The following PHACTR1 variants were observed in gnomAD, a reference collection of about 807,000 sequenced individuals.
PHACTR1 encodes the protein phosphatase and actin regulator 1, also known as RPEL repeat containing 1.
Under a neutral mutation model 69.2 loss-of-function variants are expected in PHACTR1, and 16 were observed. The observed-to-expected ratio is 0.23, with a 90% CI of 0.16 to 0.35. The LOEUF (loss-of-function observed/expected upper bound fraction) is 0.35. PHACTR1 is among the 10% of genes least tolerant of loss of function. The pLI, the probability that PHACTR1 is intolerant of heterozygous loss-of-function variation, is 1.00. For synonymous variants in PHACTR1, 312 were observed against 284.5 expected (o/e 1.10, Z -0.97); for missense variants, 510 against 734.7 (o/e 0.69, Z 3.54).
rs879186 is a variant in PHACTR1 at position 12,915,092 on chromosome 6, G to A, written c.251-138273G>A. On this transcript the variant is annotated intron_variant, in intron 4 of 14. Transcript: ENST00000332995. ...CAATGTGATGCCAGGGCAAGCCAGA[G>A]CAGTGAGGTGACCAAGGGACTGCAT... 3.3e-3 allele frequency among the ~76,000 whole-genome samples: 505 copies of A among 152,334 alleles called. 4 individuals are homozygous for A. Among genetic ancestry groups the A allele is most frequent in the African/African-American group, 0.012 (483 of 41,580 alleles).
intron 8 of PHACTR1, among the ~76,000 whole-genome samples, chr6:13,218,404 C>T (rs917200136): frequency 6.6e-6 from 1 of 152,212 alleles, no homozygotes; most frequent in Non-Finnish European, 1.5e-5. Flanking sequence ...CCCAGACTCA[C>T]TGTAGATGTC....
intron 4 of PHACTR1, among the ~76,000 whole-genome samples, chr6:12,784,133 A>G (rs1191981007): frequency 6.6e-6 from 1 of 152,096 alleles, no homozygotes; most frequent in Admixed American, 6.5e-5. Flanking sequence ...ATACATATGC[A>G]CATATACATA....
At chr6:12,992,163 C>A (rs775155917) in intron 4 of PHACTR1, among the ~76,000 whole-genome samples, 29 of 152,262 alleles carry the variant, frequency 1.9e-4, no homozygotes, top group Admixed American at 1.1e-3. Flanking sequence ...CCCTCCAAAT[C>A]CCCAGTGATA....
intron 10 of PHACTR1, among the ~76,000 whole-genome samples, chr6:13,265,270 T>A (rs1328313224): frequency 6.6e-6 from 1 of 152,140 alleles, no homozygotes; most frequent in Non-Finnish European, 1.5e-5. Context: ...GGGCATTTTT[T>A]TCAGGCCTCA....
At chr6:13,233,558 G>T (rs960256649) in intron 10 of PHACTR1, among the ~76,000 whole-genome samples, 1 of 152,186 alleles carries the variant, frequency 6.6e-6, no homozygotes, top group African/African-American at 2.4e-5. Flanking sequence ...GGTGGCTGGA[G>T]AGAGAATGAG....
intron 4 of PHACTR1, among the ~76,000 whole-genome samples, chr6:12,997,555 T>C (rs1254758957): frequency 2.0e-5 from 3 of 152,040 alleles, no homozygotes; most frequent in Non-Finnish European, 4.4e-5. Context: ...CATTTATACA[T>C]TGCGTGATGA....
chr6:12,935,090 T>G (rs889055106), intron 4 of PHACTR1, among the ~76,000 whole-genome samples: 1 of 152,068 alleles, frequency 6.6e-6, no homozygotes, highest in Admixed American at 6.6e-5. Context: ...ATAGACACTG[T>G]GGGGGGCCAT....
intron 6 of PHACTR1, among the ~76,000 whole-genome samples, chr6:13,161,782 T>C (rs906199581): frequency 2.0e-5 from 3 of 152,188 alleles, no homozygotes; most frequent in Non-Finnish European, 4.4e-5. Flanking sequence ...TTGAAGTATT[T>C]TCTCTTAGCA....
At chr6:12,958,214 G>C (rs980054209) in intron 4 of PHACTR1, among the ~76,000 whole-genome samples, 8 of 152,208 alleles carry the variant, frequency 5.3e-5, no homozygotes, top group Admixed American at 2.0e-4. Flanking sequence ...GGAGCCCACG[G>C]TGTTAGTGTA....
At chr6:12,960,819 A>T (rs548520478) in intron 4 of PHACTR1, among the ~76,000 whole-genome samples, 1 of 152,214 alleles carries the variant, frequency 6.6e-6, no homozygotes, top group Non-Finnish European at 1.5e-5. Flanking sequence ...ATACAATTCC[A>T]AGCCTCCACT....
chr6:13,257,329 T>G (rs1775320148), intron 10 of PHACTR1, among the ~76,000 whole-genome samples: 1 of 152,138 alleles, frequency 6.6e-6, no homozygotes, highest in Non-Finnish European at 1.5e-5. Context: ...CCCACCAGGC[T>G]GCACCTCCAA....
intron 4 of PHACTR1, among the ~76,000 whole-genome samples, chr6:12,830,334 A>G (rs1244737816): frequency 1.9e-5 from 1 of 52,428 alleles, no homozygotes; most frequent in African/African-American, 6.6e-5. Context: ...AGGGCTTTAG[A>G]AAAAAAAAAA....
At chr6:12,972,912 A>G (rs558941638) in intron 4 of PHACTR1, among the ~76,000 whole-genome samples, 3 of 152,190 alleles carry the variant, frequency 2.0e-5, no homozygotes, top group African/African-American at 7.2e-5. Flanking sequence ...TGGCCTCCCA[A>G]AGTGTTGGGA....
intron 4 of PHACTR1, among the ~76,000 whole-genome samples, chr6:13,035,547 G>A (rs990354064): frequency 6.6e-6 from 1 of 152,056 alleles, no homozygotes; most frequent in African/African-American, 2.4e-5. Flanking sequence ...CTAGTGGAAT[G>A]TCAAGGCAAA....
chr6:12,916,049 T>C (rs1012571538), intron 4 of PHACTR1, among the ~76,000 whole-genome samples: 19 of 152,150 alleles, frequency 1.2e-4, no homozygotes, highest in Non-Finnish European at 2.6e-4. Context: ...AATACATGGG[T>C]ATCTCTGTAA....
chr6:13,126,073 A>G (rs1561865664), intron 5 of PHACTR1, among the ~76,000 whole-genome samples: 1 of 152,218 alleles, frequency 6.6e-6, no homozygotes, highest in Admixed American at 6.5e-5. Context: ...AAAAACATTT[A>G]TGTTATTCAA....
intron 10 of PHACTR1, among the ~76,000 whole-genome samples, chr6:13,263,097 A>C (rs146077481): frequency 6.6e-4 from 101 of 152,298 alleles, no homozygotes; most frequent in African/African-American, 2.3e-3. Flanking sequence ...GGGTTTTGTC[A>C]CTTCTCTAGG....
intron 5 of PHACTR1, among the ~76,000 whole-genome samples, chr6:13,111,714 G>A (rs550004440): frequency 7.2e-5 from 11 of 152,164 alleles, no homozygotes; most frequent in African/African-American, 1.4e-4. Context: ...TGTTCACATC[G>A]CTGTGCCTGT....
rs182433599 is a variant in PHACTR1, at chr6:12,833,371, G to T, written c.250+83581G>T. 5.5e-4 allele frequency among the ~76,000 whole-genome samples: 84 copies of T among 151,858 alleles called. No individual in the cohort carries two copies. The Middle Eastern group carries it at 0.017, about 31-fold the overall frequency. ...CCTCCCAGGTTCACGCCATTCTCCTGCCTCATCCTCCTGAGTAGCTGGGAT... is the reference window on the plus strand; with the variant it reads ...CCTCCCAGGTTCACGCCATTCTCCTTCCTCATCCTCCTGAGTAGCTGGGAT... On this transcript the variant is annotated intron_variant, in intron 4 of 14. Coordinates refer to ENST00000332995, the MANE Select transcript of PHACTR1 (RefSeq NM_030948.6).
Sources: gnomAD v4.1 joint callset for allele counts (sites outside exome capture counted in the v4.1 genomes callset) on GRCh38, gnomAD v4.1.1 for gene constraint, MANE v1.5 for transcripts, NCBI Gene and HGNC (gene_info 2026-07-23, HGNC 2026-07-21) for gene names.